The following DMD variants were observed in gnomAD, a reference collection of about 807,000 sequenced individuals.
DMD encodes the protein mutant dystrophin.
A neutral mutation model predicts 330.1 loss-of-function variants in DMD; 63 were observed. That is an observed-to-expected ratio of 0.19 (90% CI 0.16 to 0.24). The LOEUF is 0.24. Among genes scored for constraint, DMD ranks in the 10% least tolerant of loss-of-function variants. The pLI, the probability that DMD is intolerant of heterozygous loss-of-function variation, is 1.00. For missense variants in DMD, 3,344 were observed against 2,684.1 expected (o/e 1.25, Z -5.43); for synonymous variants, 1,223 against 959.8 (o/e 1.27, Z -5.07).
chrX:31,341,903 A>G (rs1192977364), intron 61 of DMD, among the ~76,000 whole-genome samples: 46 of 98,747 alleles, frequency 4.7e-4, no homozygotes, highest in African/African-American at 1.4e-3. Context: ...ACACACACAC[A>G]CACACACACA....
intron 47 of DMD, among the ~76,000 whole-genome samples, chrX:31,876,984 T>C (rs1469915327): frequency 1.8e-5 from 2 of 111,429 alleles, no homozygotes; most frequent in Admixed American, 9.5e-5. Context: ...TATACCAGTG[T>C]GTCACATAAA....
At chrX:31,770,913 T>C (rs2090301632) in intron 51 of DMD, among the ~76,000 whole-genome samples, 1 of 112,110 alleles carries the variant, frequency 8.9e-6, no homozygotes, top group Admixed American at 9.5e-5. Flanking sequence ...TCCTTCAACC[T>C]CTTTTACCTG....
intron 52 of DMD, among the ~76,000 whole-genome samples, chrX:31,699,010 T>G (rs2083624848): frequency 8.9e-6 from 1 of 111,769 alleles, no homozygotes; most frequent in African/African-American, 3.3e-5. Context: ...GATCAACAGT[T>G]TAGTGCTATT....
intron 7 of DMD, among the ~76,000 whole-genome samples, chrX:32,790,739 T>C (rs1221795391): frequency 1.8e-5 from 2 of 111,578 alleles, no homozygotes; most frequent in Non-Finnish European, 3.8e-5. Flanking sequence ...ATGCTGTCAC[T>C]GTGAACTGCT....
At chrX:31,773,168 T>C (rs1603463782) in intron 51 of DMD, among the ~76,000 whole-genome samples, 1 of 112,482 alleles carries the variant, frequency 8.9e-6, no homozygotes, top group East Asian at 2.8e-4. Flanking sequence ...TTAGAAAGGC[T>C]TGAAAGCTGT....
chrX:31,664,529 C>CTTT lies in DMD; in HGVS notation c.7873-6388_7873-6386dup, dbSNP rs57706460. On this transcript the variant is annotated intron_variant, in intron 53 of 78. Transcript: ENST00000357033. ...CCTCTGTATTCTCTGAGTGTTCAAG[C>CTTT]TTTTTTTTTTTTTTTTTTGCCTGTC... is the stretch of plus-strand genomic sequence containing the variant. Among the ~76,000 whole-genome samples the CTTT allele has an allele frequency of 2.3e-3, 146 of 63,753 alleles. 13 individuals carry two copies. The highest frequency in any genetic ancestry group is 9.1e-3 in the African/African-American group (133 of 14,578). 55.4% of individuals were successfully genotyped at this position (63,753 alleles called of 115,157 possible).
rs775943395 is a variant in DMD, at chrX:32,735,320, C to T, written c.650-36027G>A. On this transcript the variant is annotated intron_variant, in intron 7 of 78. Coordinates refer to ENST00000357033, the MANE Select transcript of DMD (RefSeq NM_004006.3). The stretch of plus-strand genomic sequence containing the variant: ...GCTCATGGGTAGGAAGAATCAATAT[C>T]GTGAAAATGGCCATACTGCCCAAGG... Among the ~76,000 whole-genome samples, 276 of 110,214 alleles carry T rather than the reference C, an allele frequency of 2.5e-3. 1 individual carries two copies. Among genetic ancestry groups the T allele is most frequent in the East Asian group, 8.0e-3 (28 of 3,495 alleles).
intron 60 of DMD, among the ~76,000 whole-genome samples, chrX:31,351,249 C>G (rs1273580690): frequency 1.8e-5 from 2 of 110,826 alleles, no homozygotes; most frequent in Non-Finnish European, 3.8e-5. Context: ...TAATCAATGT[C>G]CCTGGGTAAA....
chrX:33,140,617 T>A (rs182307095), intron 1 of DMD, among the ~76,000 whole-genome samples: 1 of 112,260 alleles, frequency 8.9e-6, no homozygotes, highest in African/African-American at 3.2e-5. Context: ...GCTTTAGCAC[T>A]CTATGACTTT....
At chrX:32,801,571 G>T (rs1301720874) in intron 7 of DMD, among the ~76,000 whole-genome samples, 2 of 111,990 alleles carry the variant, frequency 1.8e-5, no homozygotes, top group African/African-American at 6.5e-5. Context: ...TTTCAGTCAT[G>T]AAGTCTTTGC....
intron 23 of DMD, among the ~76,000 whole-genome samples, chrX:32,467,549 A>T (rs772550216): frequency 2.7e-5 from 3 of 109,803 alleles, no homozygotes; most frequent in Non-Finnish European, 3.8e-5. Flanking sequence ...TAACATTAAT[A>T]TACATATACA....
At chrX:32,194,850 G>C (rs780497753) in intron 44 of DMD, among the ~76,000 whole-genome samples, 1 of 111,640 alleles carries the variant, frequency 9.0e-6, no homozygotes, top group South Asian at 3.8e-4. Flanking sequence ...TGTATTCTAA[G>C]CCATAATAAA....
chrX:32,614,300 T>C lies in DMD; in HGVS notation c.1482+3A>G, dbSNP rs368825354. On this transcript the variant is annotated splice_donor_region_variant and intron_variant, in intron 12 of 78. Transcript: ENST00000357033. ...GAAAGCACGCAACATAAGATACACC[T>C]ACCTTATGTTGTTGTACTTGGCGTT... 43 of 1,205,855 alleles carry C rather than the reference T, an allele frequency of 3.6e-5. No homozygotes were observed. The highest frequency in any genetic ancestry group is 4.8e-5 in the Non-Finnish European group (43 of 893,007).
chrX:32,389,794 T>G, intron 31 of DMD, 120 bp from the exon 32 acceptor site: 1 of 729,490 alleles, frequency 1.4e-6, no homozygotes, highest in South Asian at 2.5e-5. Flanking sequence ...AAAAACAAAA[T>G]AAAGCAGTAT....
intron 54 of DMD, among the ~76,000 whole-genome samples, chrX:31,633,182 G>T (rs763982718): frequency 1.8e-5 from 2 of 111,927 alleles, no homozygotes; most frequent in African/African-American, 3.2e-5. Context: ...CTAATGTACA[G>T]CATGGAAGAT....
intron 1 of DMD, among the ~76,000 whole-genome samples, chrX:33,099,115 T>G (rs1185312545): frequency 8.9e-6 from 1 of 112,158 alleles, no homozygotes; most frequent in African/African-American, 3.2e-5. Context: ...TTTAAGAATG[T>G]TAGCACAGGT....
chrX:32,096,424 A>T (rs1474219287), intron 44 of DMD, among the ~76,000 whole-genome samples: 1 of 111,613 alleles, frequency 9.0e-6, no homozygotes, highest in African/African-American at 3.3e-5. Context: ...CCATGAGAAA[A>T]ATAATGGTTA....
intron 44 of DMD, among the ~76,000 whole-genome samples, chrX:32,074,949 T>G (rs1196645474): frequency 1.1e-4 from 12 of 110,351 alleles, no homozygotes; most frequent in African/African-American, 4.0e-4. Context: ...CTTTGAAAAT[T>G]TAGTCCTAAA....
At chrX:33,020,368 A>G (rs1159850311) in intron 1 of DMD, among the ~76,000 whole-genome samples, 168 bp from the exon 2 acceptor site, 5 of 112,324 alleles carry the variant, frequency 4.5e-5, no homozygotes, top group Admixed American at 2.8e-4. Flanking sequence ...TGGGGCATCC[A>G]AATTAAAATT....
Sources: gnomAD v4.1 joint callset for allele counts (sites outside exome capture counted in the v4.1 genomes callset) on GRCh38, gnomAD v4.1.1 for gene constraint, MANE v1.5 for transcripts, NCBI Gene and HGNC (gene_info 2026-07-23, HGNC 2026-07-21) for gene names.